Variants in FANCD2 observed in about 807,000 individuals in gnomAD.
The protein encoded by FANCD2 is Fanconi anemia group D2 protein.
Under a neutral mutation model 192.3 loss-of-function variants are expected in FANCD2, and 131 were observed. That is an observed-to-expected ratio of 0.68 (90% confidence interval 0.59 to 0.79). The LOEUF (loss-of-function observed/expected upper bound fraction) is 0.79, where lower values mean the gene tolerates loss of function less well. Among genes scored for constraint, FANCD2 ranks in the 30% least tolerant of loss-of-function variants. The pLI is 0.00. For synonymous variants in FANCD2, 524 were observed against 612.5 expected, an observed-to-expected ratio of 0.86 and a Z score of 2.13; for missense variants, 1,508 against 1,701.6, an observed-to-expected ratio of 0.89 and a Z score of 2.00.
chr3:10,037,389 G>A (rs576286533), intron 7 of FANCD2, among the ~76,000 whole-genome samples: 6 of 152,244 alleles, frequency 3.9e-5, no homozygotes, highest in Non-Finnish European at 7.4e-5. Flanking sequence ...ATGCTTGTAC[G>A]TTGCTAGTGA....
At position 10,101,380 on chromosome 3, in the gene FANCD2, T is replaced by A; in HGVS notation, c.*118T>A. The stretch of plus-strand genomic sequence containing the variant: ...GGTAGGATCCTTTTTTGTTCCTCTT[T>A]TTTTTTTTTTTTTTTTTTTTTTAAA... On this transcript the variant is annotated 3_prime_UTR_variant, in exon 44 of 44. Transcript: ENST00000675286. 2 of 329,358 alleles carry A rather than the reference T, an allele frequency of 6.1e-6. No homozygotes were observed. The highest frequency in any genetic ancestry group is 5.5e-6 in the Non-Finnish European group (1 of 181,532). 20.4% of individuals were successfully genotyped at this position (329,358 alleles called of 1,614,324 possible). A position where few individuals can be genotyped will look rare whatever the true frequency, so the allele number is the denominator to read the frequency against.
At chr3:10,058,859 T>G (rs2087485392) in intron 18 of FANCD2, among the ~76,000 whole-genome samples, 1 of 152,194 alleles carries the variant, frequency 6.6e-6, no homozygotes, top group Non-Finnish European at 1.5e-5. Context: ...GGTATGGATC[T>G]TTCTGTTTCT....
intron 26 of FANCD2, among the ~76,000 whole-genome samples, chr3:10,070,614 C>A (rs1274907696): frequency 6.8e-6 from 1 of 146,078 alleles, no homozygotes; most frequent in African/African-American, 2.5e-5. Context: ...GGCCACCACC[C>A]CGTCTGGGAG....
intron 6 of FANCD2, among the ~76,000 whole-genome samples, chr3:10,036,086 C>CTTATTTTTTTTTTTTTTTT (rs2086721786): frequency 9.7e-6 from 1 of 102,602 alleles, no homozygotes; most frequent in African/African-American, 4.2e-5. Flanking sequence ...TTATACATTT[C>CTTATTTTTTTTTTTTTTTT]TTTTTTTTTT....
intron 16 of FANCD2, among the ~76,000 whole-genome samples, chr3:10,048,416 G>A (rs1217336544): frequency 6.6e-6 from 1 of 152,176 alleles, no homozygotes; most frequent in Non-Finnish European, 1.5e-5. Flanking sequence ...CGATTCTCCT[G>A]TCTCAGCTTC....
At chr3:10,060,167 C>CAAAAAA in intron 18 of FANCD2, 127 bp from the exon 19 acceptor site, 1 of 545,142 alleles carries the variant, frequency 1.8e-6, no homozygotes, top group Non-Finnish European at 3.2e-6. Flanking sequence ...AAGTCCGTCT[C>CAAAAAA]AAAAAAAAAA....
intron 17 of FANCD2, 36 bp downstream of exon 17, chr3:10,049,541 T>TTCCCACC (rs761548048): frequency 1.3e-6 from 2 of 1,584,232 alleles, no homozygotes; most frequent in South Asian, 2.2e-5. Context: ...AGATATTGAA[T>TTCCCACC]ACTATAATTG....
At chr3:10,078,220 G>A (rs377404568) in intron 30 of FANCD2, 23 bp downstream of exon 30, 1 of 1,464,572 alleles carries the variant, frequency 6.8e-7, no homozygotes, top group African/African-American at 1.4e-5. Context: ...AGAAGCATAG[G>A]ACTTGGGCAT....
Position 10,034,553 on chromosome 3 carries a change from T to C in FANCD2, c.273+17T>C. The C allele has an allele frequency of 1.9e-6, 3 of 1,597,802 alleles. No homozygotes were observed. The highest frequency in any genetic ancestry group is 2.6e-6 in the Non-Finnish European group (3 of 1,165,170). ...TATCCCAAAGTATGTATTTTTCCCCTGGTATTTTTGCTTGTGCCAGCATAA... is the reference window on the plus strand; with the variant it reads ...TATCCCAAAGTATGTATTTTTCCCCCGGTATTTTTGCTTGTGCCAGCATAA... On this transcript the variant is annotated intron_variant, in intron 4 of 43. Coordinates refer to ENST00000675286, the MANE Select transcript of FANCD2 (RefSeq NM_001018115.3).
chr3:10,046,435 A>C, intron 14 of FANCD2, 145 bp from the exon 15 acceptor site: 1 of 1,348,216 alleles, frequency 7.4e-7, no homozygotes, highest in Non-Finnish European at 1.0e-6. Context: ...TTTTGTGAAA[A>C]GTGTAGATAC....
At chr3:10,098,863 G>A in intron 43 of FANCD2, 48 bp downstream of exon 43, 1 of 1,614,174 alleles carries the variant, frequency 6.2e-7, no homozygotes, top group Non-Finnish European at 8.5e-7. Flanking sequence ...GTTGCATTTT[G>A]TTAATTGTTC....
intron 32 of FANCD2, among the ~76,000 whole-genome samples, chr3:10,085,211 A>C (rs1478592530): frequency 6.6e-6 from 1 of 152,068 alleles, no homozygotes; most frequent in Non-Finnish European, 1.5e-5. Flanking sequence ...TTCAAAGTAA[A>C]CCTATGGCCC....
chr3:10,027,038 A>T (rs1309747769), intron 1 of FANCD2, among the ~76,000 whole-genome samples: 1 of 152,212 alleles, frequency 6.6e-6, no homozygotes, highest in Non-Finnish European at 1.5e-5. Flanking sequence ...CACCTCAAAA[A>T]GTTTTGTGGG....
Position 10,072,912 on chromosome 3 carries a change from G to A in FANCD2, c.2536G>A (p.Glu846Lys), listed in dbSNP as rs1462078240. The change falls in exon 27 of 44, where the codon GAA (glutamate) becomes AAA (lysine). Residue 846 changes from glutamate to lysine, a missense_variant. Physicochemically the swap from Glu to Lys is moderately conservative, Grantham distance 56 (BLOSUM62 1). This residue lies in a region of FANCD2 where 796 missense variants were observed against 879.4 expected (regional missense o/e 0.91). Coordinates refer to ENST00000675286, the MANE Select transcript of FANCD2 (RefSeq NM_001018115.3). ...CCCTCCTCTTGGAAACTTTGATGTG[G>A]AAACTTTAGATATAACACCTCATAC... Reference protein sequence around the residue: ...YVPPLGNFDVETLDITPHTVT... With the variant: ...YVPPLGNFDVKTLDITPHTVT... 1 of 1,612,516 alleles carries A rather than the reference G, an allele frequency of 6.2e-7. No individual in the cohort carries two copies. The highest frequency in any genetic ancestry group is 1.7e-5 in the Admixed American group (1 of 60,018).
chr3:10,032,825 T>C lies in FANCD2; in HGVS notation c.65-7T>C. ...TGCCATATTCTTGAAAATTTTTCTA[T>C]TTTCAGAAACCAGGAAGCAACCACT... On this transcript the variant is annotated splice_region_variant and splice_polypyrimidine_tract_variant and intron_variant, in intron 2 of 43. Transcript: ENST00000675286. 6.2e-7 allele frequency: 1 copy of C among 1,611,208 alleles called. No homozygotes were observed.
chr3:10,064,045 C>T (rs1004692485), intron 21 of FANCD2, 134 bp downstream of exon 21: 19 of 1,210,988 alleles, frequency 1.6e-5, no homozygotes, highest in African/African-American at 1.4e-4. Flanking sequence ...AAAGGCTTTT[C>T]TGCCCTACCC....
chr3:10,040,033 CTTTTTTTT>C, intron 9 of FANCD2, 188 bp downstream of exon 9: 3 of 342,886 alleles, frequency 8.7e-6, no homozygotes, highest in South Asian at 7.7e-5. Flanking sequence ...CACATACTTT[CTTTTTTTT>C]TTTTTTTTTT....
chr3:10,046,139 T>C (rs1166792248), intron 14 of FANCD2, among the ~76,000 whole-genome samples: 5 of 149,928 alleles, frequency 3.3e-5, no homozygotes, highest in Admixed American at 1.3e-4. Flanking sequence ...CTGTAAGCTC[T>C]GCCTCCCGGG....
intron 14 of FANCD2, 56 bp from the exon 15 acceptor site, chr3:10,046,524 G>A (rs1483117533): frequency 3.1e-5 from 50 of 1,606,950 alleles, no homozygotes; most frequent in African/African-American, 1.3e-5. Flanking sequence ...TTTCATTGTA[G>A]CAAATGTACT....
Sources: allele counts gnomAD v4.1 joint callset (sites outside exome capture counted in the v4.1 genomes callset), GRCh38; gene constraint gnomAD v4.1.1; regional missense constraint gnomAD v4.1.1; transcripts MANE v1.5; gene names NCBI Gene and HGNC (gene_info 2026-07-23, HGNC 2026-07-21).